The following RNF17 variants were observed in gnomAD, a reference collection of about 807,000 sequenced individuals.
RNF17 encodes spermatogenesis associated 23.
A neutral mutation model predicts 200.5 loss-of-function variants in RNF17; 31 were observed. The ratio of observed to expected loss-of-function variants is 0.15; its 90% CI spans 0.12 to 0.21. The LOEUF (loss-of-function observed/expected upper bound fraction) is 0.21, where lower values mean the gene tolerates loss of function less well. Ranked by LOEUF, RNF17 falls within the 10% of genes least tolerant of loss-of-function variation. RNF17 has a pLI of 1.00. For missense variants in RNF17, 1,628 were observed against 1,905.1 expected (o/e 0.85, Z 2.71); for synonymous variants, 606 against 637.8 (o/e 0.95, Z 0.75).
At chr13:24,811,788 C>G (rs976192467) in intron 15 of RNF17, among the ~76,000 whole-genome samples, 447 of 152,080 alleles carry the variant, frequency 2.9e-3, no homozygotes, top group Non-Finnish European at 4.8e-3. Context: ...TACTTTTGGT[C>G]TTTGATGATG....
chr13:24,850,565 G>T, intron 23 of RNF17, 122 bp downstream of exon 23: 2 of 639,832 alleles, frequency 3.1e-6, no homozygotes, highest in Non-Finnish European at 2.7e-6. Flanking sequence ...AATTTTGTCG[G>T]TTTTATTTCA....
chr13:24,832,230 CTTTTA>C (rs1375933803), intron 18 of RNF17, among the ~76,000 whole-genome samples: 1 of 152,134 alleles, frequency 6.6e-6, no homozygotes, highest in Non-Finnish European at 1.5e-5. Flanking sequence ...GAATTAGCTT[CTTTTA>C]TTTGTTTGCA....
At chr13:24,781,519 A>C (rs1882371825) in intron 5 of RNF17, among the ~76,000 whole-genome samples, 1 of 151,730 alleles carries the variant, frequency 6.6e-6, no homozygotes. Flanking sequence ...GCCTGTGGTC[A>C]TTGCTACTCA....
intron 28 of RNF17, 101 bp downstream of exon 28, chr13:24,862,894 C>G: frequency 1.6e-6 from 1 of 609,688 alleles, no homozygotes; most frequent in Non-Finnish European, 2.9e-6. Flanking sequence ...TGGTATATAC[C>G]TTCTTATGTG....
chr13:24,754,665 C>A, the RNF17 span, among the ~76,000 whole-genome samples: 1 of 152,074 alleles, frequency 6.6e-6, no homozygotes, highest in South Asian at 2.1e-4. Flanking sequence ...TGAGGCTGGG[C>A]AGATCGCTTG....
At chr13:24,857,440 A>T (rs1250769962) in intron 25 of RNF17, among the ~76,000 whole-genome samples, 1 of 152,156 alleles carries the variant, frequency 6.6e-6, no homozygotes, top group African/African-American at 2.4e-5. Context: ...CGGTTTCTAT[A>T]GGCTGCTAAA....
intron 18 of RNF17, among the ~76,000 whole-genome samples, chr13:24,832,746 G>GT (rs1889553578): frequency 6.6e-6 from 1 of 151,738 alleles, no homozygotes; most frequent in Admixed American, 6.6e-5. Context: ...ATCTGGTTTG[G>GT]TTTTTTTGTT....
At chr13:24,873,488 A>C (rs1308099795) in intron 32 of RNF17, among the ~76,000 whole-genome samples, 1 of 152,286 alleles carries the variant, frequency 6.6e-6, no homozygotes, top group East Asian at 1.9e-4. Context: ...TATTACCTGC[A>C]TAGAATGTGT....
At chr13:24,866,309 A>G (rs1893617581) in intron 30 of RNF17, 106 bp downstream of exon 30, 4 of 617,358 alleles carry the variant, frequency 6.5e-6, no homozygotes, top group Admixed American at 3.1e-5. Flanking sequence ...TTATTTATAT[A>G]TCATAGAATT....
intron 18 of RNF17, among the ~76,000 whole-genome samples, chr13:24,839,260 G>A (rs78130751): frequency 0.045 from 6,827 of 151,956 alleles, 484 homozygotes; most frequent in African/African-American, 0.15. Flanking sequence ...TATTGCAATG[G>A]TACCCATATT....
At chr13:24,833,863 T>G (rs1434775067) in intron 18 of RNF17, among the ~76,000 whole-genome samples, 1 of 152,186 alleles carries the variant, frequency 6.6e-6, no homozygotes, top group Admixed American at 6.5e-5. Context: ...AAGGAACATT[T>G]ATATTTGATT....
intron 10 of RNF17, 90 bp downstream of exon 10, chr13:24,793,436 A>G: frequency 2.6e-6 from 3 of 1,173,192 alleles, no homozygotes; most frequent in Non-Finnish European, 2.4e-6. Context: ...TTTAACAGAA[A>G]TATAATTGCT....
At chr13:24,765,761 C>T (rs748823278) in intron 1 of RNF17, among the ~76,000 whole-genome samples, 3 of 152,114 alleles carry the variant, frequency 2.0e-5, no homozygotes, top group Non-Finnish European at 2.9e-5. Flanking sequence ...CTGTAATTCA[C>T]CACAAGTTAT....
intron 15 of RNF17, among the ~76,000 whole-genome samples, chr13:24,819,472 G>A (rs899728238): frequency 2.0e-5 from 3 of 152,128 alleles, no homozygotes; most frequent in African/African-American, 7.2e-5. Context: ...ACATGGAAAT[G>A]CAAATATTAT....
chr13:24,861,620 G>C (rs770415110), intron 27 of RNF17, among the ~76,000 whole-genome samples: 4 of 152,148 alleles, frequency 2.6e-5, no homozygotes, highest in Non-Finnish European at 4.4e-5. Context: ...TAAGTAGGAA[G>C]GTATAAGATT....
intron 25 of RNF17, among the ~76,000 whole-genome samples, chr13:24,855,681 C>A (rs1361454266): frequency 1.3e-5 from 2 of 151,612 alleles, no homozygotes; most frequent in Non-Finnish European, 1.5e-5. Context: ...AATTGTTTTT[C>A]AAAGTTGTTT....
chr13:24,774,862 A>G lies in RNF17; in HGVS notation c.275A>G (p.Tyr92Cys). ...TRQRYYPMAG[Y>C]IKEDSIMEKL... is the part of the protein sequence containing the mutation. ...CAACGCTACTACCCAATGGCTGGAT[A>G]TATTAAGGAAGACTCCATAATGGAA... Residue 92 changes from tyrosine to cysteine, a missense_variant, in exon 3 of 36, where the codon TAT (tyrosine) becomes TGT (cysteine). Physicochemically the swap from Tyr to Cys is radical, Grantham distance 194. Around this residue, in one of 5 missense-constraint regions of RNF17, gnomAD observed 502 missense variants for 501.7 expected, o/e 1.00. Coordinates refer to ENST00000255324, the MANE Select transcript of RNF17 (RefSeq NM_031277.3). The G allele has an allele frequency of 6.2e-7, 1 of 1,612,294 alleles. No individual in the cohort carries two copies. Among genetic ancestry groups the G allele is most frequent in the South Asian group, 1.1e-5 (1 of 90,992 alleles).
At chr13:24,765,335 A>T (rs1879510960) in intron 1 of RNF17, among the ~76,000 whole-genome samples, 1 of 152,204 alleles carries the variant, frequency 6.6e-6, no homozygotes, top group South Asian at 2.1e-4. Context: ...ATTTTAATGT[A>T]ACTTAAAATA....
intron 32 of RNF17, among the ~76,000 whole-genome samples, chr13:24,873,005 G>A (rs1894461842): frequency 1.3e-5 from 2 of 152,140 alleles, no homozygotes; most frequent in African/African-American, 4.8e-5. Flanking sequence ...TTGTAATAAG[G>A]ACTTGATATT....
Sources: gnomAD v4.1 joint callset for allele counts (sites outside exome capture counted in the v4.1 genomes callset) on GRCh38, gnomAD v4.1.1 for gene constraint, gnomAD v4.1.1 regional missense constraint, MANE v1.5 for transcripts, NCBI Gene and HGNC (gene_info 2026-07-23, HGNC 2026-07-21) for gene names.